Variants in GRIP1 observed in about 807,000 individuals in gnomAD.
GRIP1 encodes glutamate receptor interacting protein 1, also known as glutamate receptor-interacting protein 1.
GRIP1 carries 45 observed loss-of-function variants against 129.9 expected under a neutral mutation model. The observed-to-expected ratio is 0.35, with a 90% confidence interval of 0.27 to 0.44. The LOEUF (loss-of-function observed/expected upper bound fraction) is 0.44, where lower values mean the gene tolerates loss of function less well. Ranked by LOEUF, GRIP1 falls within the 20% of genes least tolerant of loss-of-function variation. The pLI is 1.00. For missense variants in GRIP1, 1,196 were observed against 1,396.8 expected, an observed-to-expected ratio of 0.86 and a Z score of 2.29; for synonymous variants, 530 against 520.8, an observed-to-expected ratio of 1.02 and a Z score of -0.24.
At chr12:66,729,659 T>C (rs1306630304) in intron 1 of GRIP1, among the ~76,000 whole-genome samples, 3 of 152,104 alleles carry the variant, frequency 2.0e-5, no homozygotes, top group Non-Finnish European at 4.4e-5. Context: ...CTTCAAGCTC[T>C]GCCTCCTGGG....
At chr12:66,732,305 C>T (rs1403057930) in intron 1 of GRIP1, among the ~76,000 whole-genome samples, 1 of 152,108 alleles carries the variant, frequency 6.6e-6, no homozygotes, top group South Asian at 2.1e-4. Flanking sequence ...AATCCCAGTA[C>T]TTTGAGGGGG....
At chr12:66,719,206 C>T (rs1565985389) in intron 1 of GRIP1, among the ~76,000 whole-genome samples, 1 of 152,002 alleles carries the variant, frequency 6.6e-6, no homozygotes, top group Non-Finnish European at 1.5e-5. Context: ...TTGAAGGCTA[C>T]AATATACAAG....
chr12:66,578,966 C>T (rs1217477280), intron 2 of GRIP1, among the ~76,000 whole-genome samples: 1 of 152,166 alleles, frequency 6.6e-6, no homozygotes, highest in East Asian at 1.9e-4. Context: ...TCAAGTGGGT[C>T]CCTGACCCCT....
intron 1 of GRIP1, among the ~76,000 whole-genome samples, chr12:66,781,936 G>A (rs1215708363): frequency 6.6e-6 from 1 of 152,106 alleles, no homozygotes; most frequent in Non-Finnish European, 1.5e-5. Flanking sequence ...ATATACCAAT[G>A]GAAATGACTA....
intron 2 of GRIP1, among the ~76,000 whole-genome samples, chr12:66,577,061 A>G (rs1056492041): frequency 6.6e-6 from 1 of 152,204 alleles, no homozygotes; most frequent in African/African-American, 2.4e-5. Flanking sequence ...CATGCTAAAG[A>G]CCATTGACAA....
intron 1 of GRIP1, among the ~76,000 whole-genome samples, chr12:66,741,479 AGTCCCACCAACAGG>A (rs2036785468): frequency 6.6e-6 from 1 of 152,246 alleles, no homozygotes; most frequent in Non-Finnish European, 1.5e-5. Context: ...GATAAAAGAT[AGTCCCACCAACAGG>A]GTATGGGGCT....
intron 1 of GRIP1, among the ~76,000 whole-genome samples, chr12:67,055,089 G>A (rs2043412977): frequency 6.6e-6 from 1 of 152,184 alleles, no homozygotes; most frequent in Non-Finnish European, 1.5e-5. Flanking sequence ...CAACTACTAT[G>A]GAGTTAATAC....
intron 1 of GRIP1, among the ~76,000 whole-genome samples, chr12:66,743,409 C>T (rs141721248): frequency 6.6e-6 from 1 of 151,934 alleles, no homozygotes; most frequent in African/African-American, 2.4e-5. Flanking sequence ...ATTATGAATC[C>T]TAAACAGAGT....
At chr12:66,824,846 T>C (rs1025872145) in intron 1 of GRIP1, among the ~76,000 whole-genome samples, 1 of 152,188 alleles carries the variant, frequency 6.6e-6, no homozygotes, top group Non-Finnish European at 1.5e-5. Flanking sequence ...ATGTATATGA[T>C]AGCACAAAAT....
chr12:67,028,191 T>C (rs182905525), intron 1 of GRIP1, among the ~76,000 whole-genome samples: 5 of 152,368 alleles, frequency 3.3e-5, no homozygotes, highest in African/African-American at 1.2e-4. Flanking sequence ...CCAAAGGGAC[T>C]GTCTCCATCC....
In GRIP1 at chr12:66,458,540, A is replaced by T. The variant is rs577808670; in HGVS notation, c.1043-2198T>A. The stretch of plus-strand genomic sequence containing the variant: ...GCTGGGATTATAGGTGCCCACCACC[A>T]CGCCCAGCTAATTTTTGTATTTTTG... On this transcript the variant is annotated intron_variant, in intron 9 of 24. Coordinates refer to ENST00000359742, the MANE Select transcript of GRIP1 (RefSeq NM_001366722.1). Among the ~76,000 whole-genome samples, 26 of 152,200 alleles carry T rather than the reference A, an allele frequency of 1.7e-4. 1 individual carries two copies. Among genetic ancestry groups the T allele is most frequent in the African/African-American group, 6.3e-4 (26 of 41,508 alleles).
At chr12:66,967,867 C>G (rs2042019204) in intron 1 of GRIP1, among the ~76,000 whole-genome samples, 1 of 152,106 alleles carries the variant, frequency 6.6e-6, no homozygotes, top group Non-Finnish European at 1.5e-5. Flanking sequence ...AGGATGTGAT[C>G]TATCTTGGTG....
At chr12:66,527,323 A>G (rs1344887650) in intron 5 of GRIP1, among the ~76,000 whole-genome samples, 2 of 151,900 alleles carry the variant, frequency 1.3e-5, no homozygotes, top group African/African-American at 2.4e-5. Flanking sequence ...TGGCACATAT[A>G]CACCATGGAA....
chr12:66,931,479 C>T (rs989333608), intron 1 of GRIP1, among the ~76,000 whole-genome samples: 4 of 151,990 alleles, frequency 2.6e-5, no homozygotes, highest in South Asian at 2.1e-4. Context: ...TTGAGGAAGA[C>T]GGACAGAGAA....
intron 1 of GRIP1, among the ~76,000 whole-genome samples, chr12:66,839,739 G>C (rs1468170344): frequency 1.3e-5 from 2 of 152,178 alleles, no homozygotes; most frequent in Non-Finnish European, 2.9e-5. Context: ...TATGAGAACA[G>C]GTATCCTACC....
chr12:66,971,906 G>C (rs182320896), intron 1 of GRIP1, among the ~76,000 whole-genome samples: 14 of 152,300 alleles, frequency 9.2e-5, no homozygotes, highest in Non-Finnish European at 1.9e-4. Flanking sequence ...AATATAGCCA[G>C]TTCAGCTTGG....
intron 1 of GRIP1, among the ~76,000 whole-genome samples, chr12:66,847,852 C>T (rs1372907186): frequency 6.6e-6 from 1 of 152,150 alleles, no homozygotes; most frequent in Non-Finnish European, 1.5e-5. Context: ...ATTCTTCCTA[C>T]AGCATTTAAA....
intron 1 of GRIP1, among the ~76,000 whole-genome samples, chr12:66,835,950 G>A (rs910288223): frequency 1.2e-4 from 19 of 152,072 alleles, no homozygotes; most frequent in Admixed American, 1.1e-3. Context: ...TAATGGGGGA[G>A]GCTGTGTGTG....
chr12:66,699,428 G>A (rs1467616033), intron 1 of GRIP1, among the ~76,000 whole-genome samples: 1 of 152,136 alleles, frequency 6.6e-6, no homozygotes, highest in Non-Finnish European at 1.5e-5. Flanking sequence ...AATTATGGGT[G>A]CGGTTTCCCT....
Sources: allele counts gnomAD v4.1 joint callset (sites outside exome capture counted in the v4.1 genomes callset), GRCh38; gene constraint gnomAD v4.1.1; transcripts MANE v1.5; gene names NCBI Gene and HGNC (gene_info 2026-07-23, HGNC 2026-07-21).